ANK2: variants seen among roughly 807,000 people sequenced by gnomAD.
The protein encoded by ANK2 is ankyrin 2.
ANK2 carries 83 observed loss-of-function variants against 360.5 expected under a neutral mutation model. The observed-to-expected ratio is 0.23, with a 90% CI of 0.19 to 0.28. The LOEUF is 0.28. Ranked by LOEUF, ANK2 falls within the 10% of genes least tolerant of loss-of-function variation. The pLI is 1.00. For synonymous variants in ANK2, 1,740 were observed against 1,759.5 expected, an observed-to-expected ratio of 0.99 and a Z score of 0.28; for missense variants, 4,201 against 4,795.7, an observed-to-expected ratio of 0.88 and a Z score of 3.66.
At chr4:112,993,621 T>C (rs943275894) in intron 2 of ANK2, among the ~76,000 whole-genome samples, 5 of 151,854 alleles carry the variant, frequency 3.3e-5, no homozygotes, top group African/African-American at 9.7e-5. Flanking sequence ...ATACCTTCTA[T>C]ATATTGTAGA....
intron 1 of ANK2, among the ~76,000 whole-genome samples, chr4:112,876,536 G>T (rs2075171348): frequency 6.6e-6 from 1 of 152,148 alleles, no homozygotes; most frequent in South Asian, 2.1e-4. Context: ...CTAACTTTGA[G>T]ATAGGATATA....
intron 2 of ANK2, among the ~76,000 whole-genome samples, chr4:112,919,913 A>G (rs1389668153): frequency 6.6e-6 from 1 of 152,026 alleles, no homozygotes; most frequent in Non-Finnish European, 1.5e-5. Flanking sequence ...GCTATTAATA[A>G]TTTATTATAT....
the ANK2 span, among the ~76,000 whole-genome samples, chr4:112,712,059 T>C: frequency 4.7e-5 from 7 of 148,696 alleles, no homozygotes; most frequent in African/African-American, 1.2e-4. Context: ...CACACACATA[T>C]ATATATATAT....
At chr4:113,210,055 A>G (rs1172004254) in intron 4 of ANK2, among the ~76,000 whole-genome samples, 3 of 152,192 alleles carry the variant, frequency 2.0e-5, no homozygotes, top group Non-Finnish European at 4.4e-5. Flanking sequence ...TTGTGCCTAT[A>G]GGGGAACCAA....
chr4:113,007,115 T>G (rs2053148214), intron 2 of ANK2, among the ~76,000 whole-genome samples: 1 of 152,216 alleles, frequency 6.6e-6, no homozygotes, highest in Non-Finnish European at 1.5e-5. Flanking sequence ...CAGTTATTTC[T>G]TTTTGGGTAC....
intron 2 of ANK2, among the ~76,000 whole-genome samples, chr4:113,184,872 C>A (rs1308488766): frequency 1.3e-5 from 2 of 152,068 alleles, no homozygotes; most frequent in Non-Finnish European, 2.9e-5. Context: ...TCCCACTCCC[C>A]AACAGGCCCC....
chr4:113,257,213 T>G (rs968551562), intron 11 of ANK2, among the ~76,000 whole-genome samples: 2 of 152,150 alleles, frequency 1.3e-5, no homozygotes, highest in African/African-American at 4.8e-5. Flanking sequence ...AAAGGAACAT[T>G]GTTGAAATAA....
intron 22 of ANK2, among the ~76,000 whole-genome samples, chr4:113,297,278 CAGGCCTG>C (rs1450750346): frequency 6.6e-6 from 1 of 152,184 alleles, no homozygotes; most frequent in Non-Finnish European, 1.5e-5. Flanking sequence ...GATAGGATTA[CAGGCCTG>C]AGCCCCCGCT....
the ANK2 span, among the ~76,000 whole-genome samples, chr4:112,808,063 C>T: frequency 6.6e-6 from 1 of 152,146 alleles, no homozygotes; most frequent in Non-Finnish European, 1.5e-5. Context: ...TGAGAAAGTT[C>T]TAGTGATTTT....
intron 2 of ANK2, among the ~76,000 whole-genome samples, chr4:112,951,227 C>T (rs558988813): frequency 6.6e-6 from 1 of 151,532 alleles, no homozygotes; most frequent in Non-Finnish European, 1.5e-5. Flanking sequence ...GGAAAAATTA[C>T]TAGCAAATGA....
intron 1 of ANK2, among the ~76,000 whole-genome samples, chr4:112,842,278 G>T (rs913223034): frequency 2.0e-5 from 3 of 152,188 alleles, no homozygotes; most frequent in Non-Finnish European, 2.9e-5. Context: ...CCAAAGTGCT[G>T]GGATTACAGG....
intron 2 of ANK2, among the ~76,000 whole-genome samples, chr4:112,953,057 TA>T (rs2095126416): frequency 6.6e-6 from 1 of 152,206 alleles, no homozygotes; most frequent in African/African-American, 2.4e-5. Context: ...CCATGAAACA[TA>T]CCATAAATCT....
At chr4:112,722,710 G>A in the ANK2 span, among the ~76,000 whole-genome samples, 1 of 152,118 alleles carries the variant, frequency 6.6e-6, no homozygotes, top group East Asian at 1.9e-4. Flanking sequence ...TATGAGGGAG[G>A]TAAATCTTTC....
intron 2 of ANK2, among the ~76,000 whole-genome samples, chr4:113,039,117 T>C (rs1247831159): frequency 1.3e-5 from 2 of 152,108 alleles, no homozygotes; most frequent in Non-Finnish European, 2.9e-5. Flanking sequence ...ATAAACACTT[T>C]CTGTTGATTT....
At chr4:112,732,064 G>A in the ANK2 span, among the ~76,000 whole-genome samples, 1 of 152,148 alleles carries the variant, frequency 6.6e-6, no homozygotes, top group Admixed American at 6.6e-5. Context: ...CATGTTGGTG[G>A]CTTGAAATCA....
chr4:112,722,166 T>C, the ANK2 span, among the ~76,000 whole-genome samples: 1 of 152,234 alleles, frequency 6.6e-6, no homozygotes. Flanking sequence ...CCGGCCAAGA[T>C]AGTTTGCAAT....
chr4:113,290,135 A>G (rs2153736110), intron 20 of ANK2, among the ~76,000 whole-genome samples: 1 of 152,140 alleles, frequency 6.6e-6, no homozygotes, highest in South Asian at 2.1e-4. Flanking sequence ...GATTTGATTG[A>G]AAGAAAAATC....
At chr4:113,005,754 C>A (rs1017724174) in intron 2 of ANK2, among the ~76,000 whole-genome samples, 1 of 151,942 alleles carries the variant, frequency 6.6e-6, no homozygotes, top group African/African-American at 2.4e-5. Context: ...GGAGGTGGGC[C>A]TAGTGGGAGG....
intron 4 of ANK2, among the ~76,000 whole-genome samples, chr4:113,201,935 A>G (rs747159713): frequency 2.6e-5 from 4 of 152,196 alleles, no homozygotes; most frequent in South Asian, 2.1e-4. Flanking sequence ...AATTTATACT[A>G]TTAGGTCAAT....
Sources: gnomAD v4.1 joint callset for allele counts (sites outside exome capture counted in the v4.1 genomes callset) on GRCh38, gnomAD v4.1.1 for gene constraint, MANE v1.5 for transcripts, NCBI Gene and HGNC (gene_info 2026-07-23, HGNC 2026-07-21) for gene names.